The following DPP6 variants were observed in gnomAD, a reference collection of about 807,000 sequenced individuals.
The protein encoded by DPP6 is dipeptidyl peptidase like 6.
A neutral mutation model predicts 122.6 loss-of-function variants in DPP6; 69 were observed. That is an observed-to-expected ratio of 0.56 (90% CI 0.46 to 0.69). The LOEUF is 0.69. DPP6 is among the 30% of genes least tolerant of loss of function. The pLI is 0.00. For synonymous variants in DPP6, 418 were observed against 433.1 expected (o/e 0.97, Z 0.43); for missense variants, 928 against 1,116.9 (o/e 0.83, Z 2.41).
intron 17 of DPP6, among the ~76,000 whole-genome samples, chr7:154,854,145 G>A (rs146985144): frequency 1.6e-4 from 25 of 152,264 alleles, no homozygotes; most frequent in East Asian, 9.6e-4. Flanking sequence ...ACATGAGTCC[G>A]TCCCCACTGA....
At chr7:154,473,088 GT>G (rs1395423376) in intron 2 of DPP6, among the ~76,000 whole-genome samples, 6 of 152,134 alleles carry the variant, frequency 3.9e-5, no homozygotes, top group African/African-American at 1.4e-4. Context: ...GAATAGTGAA[GT>G]TTAATCAGAT....
At chr7:154,580,326 A>C (rs1033120052) in intron 5 of DPP6, among the ~76,000 whole-genome samples, 1 of 151,774 alleles carries the variant, frequency 6.6e-6, no homozygotes, top group African/African-American at 2.4e-5. Flanking sequence ...CCATTGACAA[A>C]TTTTTCTCTC....
At chr7:153,826,624 GT>G in the DPP6 span, among the ~76,000 whole-genome samples, 1 of 152,028 alleles carries the variant, frequency 6.6e-6, no homozygotes, top group Non-Finnish European at 1.5e-5. Context: ...ATTAATTTGG[GT>G]TCTACATTTG....
chr7:154,113,394 C>CATATATATATAT (rs143477890), intron 1 of DPP6, among the ~76,000 whole-genome samples: 92 of 137,836 alleles, frequency 6.7e-4, no homozygotes, highest in South Asian at 2.6e-3. Context: ...TGTTTTCCTA[C>CATATATATATAT]ATATATATAT....
chr7:154,627,414 G>T (rs1835156872), intron 5 of DPP6, among the ~76,000 whole-genome samples: 1 of 151,512 alleles, frequency 6.6e-6, no homozygotes, highest in Non-Finnish European at 1.5e-5. Context: ...TGGCCAGGCT[G>T]GTCTCGATCT....
chr7:154,070,848 A>T (rs1197750485), intron 1 of DPP6, among the ~76,000 whole-genome samples: 2 of 152,196 alleles, frequency 1.3e-5, no homozygotes, highest in Non-Finnish European at 2.9e-5. Flanking sequence ...TGCCAGATGA[A>T]CTGTATTATA....
At chr7:153,958,283 A>G (rs1010180756) in intron 1 of DPP6, among the ~76,000 whole-genome samples, 3 of 152,160 alleles carry the variant, frequency 2.0e-5, no homozygotes, top group African/African-American at 4.8e-5. Flanking sequence ...GGGGGAGTGC[A>G]CTTGTAAGTG....
At chr7:153,839,469 A>G in the DPP6 span, among the ~76,000 whole-genome samples, 1 of 152,188 alleles carries the variant, frequency 6.6e-6, no homozygotes, top group African/African-American at 2.4e-5. Flanking sequence ...CTGAACGCTA[A>G]CCAGAAGGCA....
At position 153,972,405 on chromosome 7, in the gene DPP6, G is replaced by A. The variant is rs375597070; in HGVS notation, c.51+84671G>A. ...TGAAAGCTATGCTTGGGAAACTGAC[G>A]TGAACCTATTTGTGTGAAGCATGGG... On this transcript the variant is annotated intron_variant, in intron 1 of 25. Coordinates refer to the DPP6 transcript ENST00000404039. Among the ~76,000 whole-genome samples, 35 of 152,194 alleles carry A rather than the reference G, an allele frequency of 2.3e-4. No homozygotes were observed. In the East Asian group the frequency reaches 3.3e-3, roughly 14 times the overall value.
chr7:153,964,297 G>C (rs1417628568), intron 1 of DPP6, among the ~76,000 whole-genome samples: 3 of 152,172 alleles, frequency 2.0e-5, no homozygotes, highest in Non-Finnish European at 4.4e-5. Context: ...TGCCCAGCCT[G>C]AGTTTCAGGT....
At chr7:153,895,515 A>G (rs1053222300) in intron 1 of DPP6, among the ~76,000 whole-genome samples, 14 of 152,326 alleles carry the variant, frequency 9.2e-5, no homozygotes, top group Admixed American at 5.2e-4. Flanking sequence ...TGTTGGCATC[A>G]TGATTTCTTC....
intron 1 of DPP6, among the ~76,000 whole-genome samples, chr7:154,245,658 G>A (rs1348839499): frequency 1.7e-5 from 2 of 120,154 alleles, no homozygotes; most frequent in African/African-American, 3.1e-5. Context: ...AAAAAGCTAT[G>A]GCTATGTTAA....
At chr7:153,912,390 A>G (rs139198321) in intron 1 of DPP6, among the ~76,000 whole-genome samples, 3 of 152,188 alleles carry the variant, frequency 2.0e-5, no homozygotes, top group Non-Finnish European at 4.4e-5. Flanking sequence ...CATGAAAGAG[A>G]TGCAGCTGGA....
At chr7:153,912,943 A>T (rs1800151810) in intron 1 of DPP6, among the ~76,000 whole-genome samples, 1 of 152,218 alleles carries the variant, frequency 6.6e-6, no homozygotes, top group Admixed American at 6.5e-5. Context: ...AAACCACTTC[A>T]GTCTAGCTTT....
chr7:154,001,913 C>T (rs1797709260), intron 1 of DPP6, among the ~76,000 whole-genome samples: 1 of 151,822 alleles, frequency 6.6e-6, no homozygotes. Context: ...TTGGTAACAT[C>T]CAAGCTGTGC....
chr7:154,533,100 C>T lies in DPP6; in HGVS notation c.458-7432C>T, dbSNP rs74442661. ...ACATCACCTTTCTTCAATTATACTT[C>T]TCCATAAATGTCCACCATTCATCAA... On this transcript the variant is annotated intron_variant, in intron 3 of 25. Coordinates refer to ENST00000377770, the MANE Select transcript of DPP6 (RefSeq NM_130797.4). Among the ~76,000 whole-genome samples the T allele has an allele frequency of 2.6e-3, 403 of 152,332 alleles. 4 individuals carry two copies. The highest frequency in any genetic ancestry group is 2.4e-3 in the Non-Finnish European group (166 of 68,024).
At chr7:153,932,494 C>G (rs1000563426) in intron 1 of DPP6, among the ~76,000 whole-genome samples, 7 of 152,066 alleles carry the variant, frequency 4.6e-5, no homozygotes, top group Non-Finnish European at 8.8e-5. Context: ...ATTGATAGAG[C>G]TTCCTTTTCT....
chr7:154,188,947 C>A (rs1383669992), intron 1 of DPP6, among the ~76,000 whole-genome samples: 1 of 152,192 alleles, frequency 6.6e-6, no homozygotes, highest in East Asian at 1.9e-4. Context: ...GCCTCCGTGT[C>A]CCAGATTTGT....
chr7:154,450,718 G>A (rs891600854), intron 2 of DPP6, among the ~76,000 whole-genome samples: 2 of 152,336 alleles, frequency 1.3e-5, no homozygotes, highest in South Asian at 2.1e-4. Context: ...CCAGGGTTTA[G>A]AGGGGCTGGG....
Sources: gnomAD v4.1 joint callset for allele counts (sites outside exome capture counted in the v4.1 genomes callset) on GRCh38, gnomAD v4.1.1 for gene constraint, MANE v1.5 for transcripts, NCBI Gene and HGNC (gene_info 2026-07-23, HGNC 2026-07-21) for gene names.